CELSR1: variants seen among roughly 807,000 people sequenced by gnomAD.
The protein encoded by CELSR1 is cadherin EGF LAG seven-pass G-type receptor 1.
In CELSR1, 110 loss-of-function variants were observed where a neutral mutation model predicts 249.1. The ratio of observed to expected loss-of-function variants is 0.44; its 90% CI spans 0.38 to 0.52. The LOEUF is 0.52. CELSR1 is among the 20% of genes least tolerant of loss of function. The pLI is 0.00. For synonymous variants in CELSR1, 2,113 were observed against 1,900.0 expected (o/e 1.11, Z -2.92); for missense variants, 4,109 against 4,296.4 (o/e 0.96, Z 1.22).
At chr22:46,453,891 G>T (rs934625097) in intron 2 of CELSR1, among the ~76,000 whole-genome samples, 10 of 152,210 alleles carry the variant, frequency 6.6e-5, no homozygotes, top group Admixed American at 6.5e-4. Context: ...TTTAATTAGG[G>T]AGAGGAGACA....
chr22:46,501,318 G>T (rs2147733855), intron 1 of CELSR1, among the ~76,000 whole-genome samples: 1 of 148,760 alleles, frequency 6.7e-6, no homozygotes, highest in Admixed American at 6.8e-5. Flanking sequence ...CCATTCTCCT[G>T]CCTCAACCTC....
intron 1 of CELSR1, 76 bp downstream of exon 1, chr22:46,533,551 G>C: frequency 6.7e-7 from 1 of 1,495,530 alleles, no homozygotes; most frequent in Non-Finnish European, 8.9e-7. Flanking sequence ...CATGCCAGGC[G>C]GAGCCCTTGG....
rs914873600 is a variant in CELSR1 at position 46,407,309 on chromosome 22, A to C, written c.5226+1687T>G. On this transcript the variant is annotated intron_variant, in intron 9 of 34. Coordinates refer to ENST00000674500, the MANE Select transcript of CELSR1 (RefSeq NM_001378328.1). The surrounding 1 kb of genome is among the most constrained non-coding windows in gnomAD (Gnocchi z 4.8). ...CATACACAGACTGACATGCACACAC[A>C]CTTGCACGGAGATATGCGCACACAC... 6.6e-6 allele frequency among the ~76,000 whole-genome samples: 1 copy of C among 152,154 alleles called. No individual in the cohort carries two copies. The highest frequency in any genetic ancestry group is 2.4e-5 in the African/African-American group (1 of 41,416).
chr22:46,384,455 G>A (rs960622464), intron 20 of CELSR1, 88 bp downstream of exon 20: 27 of 1,423,774 alleles, frequency 1.9e-5, no homozygotes, highest in African/African-American at 1.3e-4. Context: ...TCTTCAGTGC[G>A]CAGGTCCTGC....
At chr22:46,435,927 G>A (rs185463365) in intron 4 of CELSR1, among the ~76,000 whole-genome samples, 6 of 152,098 alleles carry the variant, frequency 3.9e-5, no homozygotes, top group African/African-American at 1.2e-4. Context: ...TCTCGATCTC[G>A]TGACCTTGTG....
At chr22:46,470,760 C>T (rs938292960) in intron 1 of CELSR1, among the ~76,000 whole-genome samples, 3 of 152,078 alleles carry the variant, frequency 2.0e-5, no homozygotes, top group Non-Finnish European at 4.4e-5. Context: ...CGGAATATGA[C>T]GCAGCTAAAC....
At chr22:46,384,084 G>A (rs759698590) in intron 20 of CELSR1, among the ~76,000 whole-genome samples, 2 of 151,960 alleles carry the variant, frequency 1.3e-5, no homozygotes. Context: ...ACAGGCGCCC[G>A]CCACCGCAGC....
chr22:46,524,034 T>C (rs547271374), intron 1 of CELSR1, among the ~76,000 whole-genome samples: 176 of 152,278 alleles, frequency 1.2e-3, no homozygotes, highest in African/African-American at 4.1e-3. Flanking sequence ...TGAGCTTCCG[T>C]CCTCAGAAAC....
intron 18 of CELSR1, among the ~76,000 whole-genome samples, chr22:46,387,502 T>TCCCACGTAGCTGGGATTACAGGGG (rs371039039): frequency 0.011 from 1,693 of 151,974 alleles, 30 homozygotes; most frequent in African/African-American, 0.038. Context: ...TGCCTCAGCC[T>TCCCACGTAGCTGGGATTACAGGGG]CCCACCACCC....
rs1341899663 is a variant in CELSR1 at position 46,374,723 on chromosome 22, C to CT, written c.7585-1667dup. The stretch of plus-strand genomic sequence containing the variant: ...CCCATTCACGCCACTCAAAAGCACA[C>CT]TAGAGGGGTTTTGAGATGAAATCCG... On this transcript the variant is annotated intron_variant, in intron 24 of 34. Transcript: ENST00000674500. The surrounding 1 kb of genome is among the most constrained non-coding windows in gnomAD (Gnocchi z 4.3). Among the ~76,000 whole-genome samples, 7 of 152,344 alleles carry CT rather than the reference C, an allele frequency of 4.6e-5. No individual in the cohort carries two copies. Among genetic ancestry groups the CT allele is most frequent in the African/African-American group, 1.4e-4 (6 of 41,578 alleles).
At position 46,363,325 on chromosome 22, in the gene CELSR1, CGG is replaced by C; in HGVS notation, c.9036-80_9036-79del. On this transcript the variant is annotated intron_variant, in intron 34 of 34. Coordinates refer to ENST00000674500, the MANE Select transcript of CELSR1 (RefSeq NM_001378328.1). The surrounding 1 kb of genome is among the most constrained non-coding windows in gnomAD (Gnocchi z 4.3). ...CTTGGTGGGGCCCAAGGTTGTCACACGGGGGGGCAGGATCACCCCATCAGGGT... is the reference window on the plus strand; with the variant it reads ...CTTGGTGGGGCCCAAGGTTGTCACACGGGGGCAGGATCACCCCATCAGGGT... The C allele has an allele frequency of 8.0e-7, 1 of 1,251,126 alleles. No individual in the cohort carries two copies. Among genetic ancestry groups the C allele is most frequent in the African/African-American group, 1.5e-5 (1 of 67,860 alleles). 77.5% of individuals were successfully genotyped at this position (1,251,126 alleles called of 1,614,324 possible). A position where few individuals can be genotyped will look rare whatever the true frequency, so the allele number is the denominator to read the frequency against.
At chr22:46,379,942 CCTT>C (rs2078959029) in intron 22 of CELSR1, among the ~76,000 whole-genome samples, 2 of 152,212 alleles carry the variant, frequency 1.3e-5, no homozygotes, top group South Asian at 2.1e-4. Flanking sequence ...CGTTCCAGTG[CCTT>C]CTTCTAAACA....
chr22:46,437,210 C>G lies in CELSR1; in HGVS notation c.4407-921G>C, dbSNP rs573390059. The stretch of plus-strand genomic sequence containing the variant: ...CAAATTCTCAGAAATCCTTCTCCCA[C>G]CCAGGGGCCCCGGGCAGGGGGTCTT... On this transcript the variant is annotated intron_variant, in intron 3 of 34. Coordinates refer to ENST00000674500, the MANE Select transcript of CELSR1 (RefSeq NM_001378328.1). This position sits in a 1 kb window ranked among gnomAD's most constrained non-coding sequence, Gnocchi z 4.9. Among the ~76,000 whole-genome samples, 650 of 152,310 alleles carry G rather than the reference C, an allele frequency of 4.3e-3. 3 individuals carry two copies. Among genetic ancestry groups the G allele is most frequent in the Non-Finnish European group, 7.1e-3 (480 of 68,018 alleles).
chr22:46,534,078 A>G lies in CELSR1; in HGVS notation c.3093T>C (p.Asn1031=), dbSNP rs748773281. 1 of 1,613,768 alleles carries G rather than the reference A, an allele frequency of 6.2e-7. No homozygotes were observed. The highest frequency in any genetic ancestry group is 1.1e-5 in the South Asian group (1 of 91,086). Residue 1031 remains asparagine, a synonymous_variant, in exon 1 of 35, where the codon AAT becomes AAC. Coordinates refer to ENST00000674500, the MANE Select transcript of CELSR1 (RefSeq NM_001378328.1). The surrounding 1 kb of genome is among the most constrained non-coding windows in gnomAD (Gnocchi z 9.7). ...IRANDPDEGP[N]AQIMYQIVEG... ...CCACAATCTGATACATGATCTGGGC[A>G]TTAGGGCCTTCATCAGGGTCGTTAG... is the stretch of plus-strand genomic sequence containing the variant.
chr22:46,472,613 G>C lies in CELSR1; in HGVS notation c.3545-8268C>G, dbSNP rs1045017144. 6.6e-6 allele frequency among the ~76,000 whole-genome samples: 1 copy of C among 152,238 alleles called. No individual in the cohort carries two copies. On this transcript the variant is annotated intron_variant, in intron 1 of 34. Transcript: ENST00000674500. This position sits in a 1 kb window ranked among gnomAD's most constrained non-coding sequence, Gnocchi z 7.0. ...AGCAGCAAAACCAGCAAGGCATGGGGACGGGTGGCATCAGCTCCCGGGGCC... is the reference window on the plus strand; with the variant it reads ...AGCAGCAAAACCAGCAAGGCATGGGCACGGGTGGCATCAGCTCCCGGGGCC...
rs9616010 is a variant in CELSR1 at position 46,458,732 on chromosome 22, G to T, written c.4183+4975C>A. On this transcript the variant is annotated intron_variant, in intron 2 of 34. Transcript: ENST00000674500. ...GATCCCCAAGTCGAATCCTGGCCCC[G>T]CCCGCCTGGTGCTGCACCTGGGTGT... Among the ~76,000 whole-genome samples, 29 of 152,244 alleles carry T rather than the reference G, an allele frequency of 1.9e-4. 2 individuals carry two copies. The highest frequency in any genetic ancestry group is 1.4e-3 in the Admixed American group (22 of 15,288).
At position 46,528,000 on chromosome 22, in the gene CELSR1, C is replaced by T. The variant is rs1569220579; in HGVS notation, c.3544+5627G>A. On this transcript the variant is annotated intron_variant, in intron 1 of 34. Coordinates refer to ENST00000674500, the MANE Select transcript of CELSR1 (RefSeq NM_001378328.1). The surrounding 1 kb of genome is among the most constrained non-coding windows in gnomAD (Gnocchi z 5.5). ...ATCCCAGCTACTTGGGAAGCTGAGGCAGCTGAGGCAGGAGAATCACTTGAA... is the reference window on the plus strand; with the variant it reads ...ATCCCAGCTACTTGGGAAGCTGAGGTAGCTGAGGCAGGAGAATCACTTGAA... 6.6e-6 allele frequency among the ~76,000 whole-genome samples: 1 copy of T among 150,934 alleles called. No individual in the cohort carries two copies. Among genetic ancestry groups the T allele is most frequent in the East Asian group, 1.9e-4 (1 of 5,138 alleles).
intron 5 of CELSR1, among the ~76,000 whole-genome samples, chr22:46,418,904 A>G (rs2079433817): frequency 6.6e-6 from 1 of 152,226 alleles, no homozygotes. Flanking sequence ...TGATGGACGT[A>G]TACAGTACAT....
intron 2 of CELSR1, among the ~76,000 whole-genome samples, chr22:46,450,303 C>T (rs2079868798): frequency 6.6e-6 from 1 of 152,240 alleles, no homozygotes; most frequent in Non-Finnish European, 1.5e-5. Context: ...GCTACCAACT[C>T]GGCCCTGCAA....
Sources: allele counts gnomAD v4.1 joint callset (sites outside exome capture counted in the v4.1 genomes callset), GRCh38; gene constraint gnomAD v4.1.1; non-coding constraint Gnocchi (gnomAD v3.1); transcripts MANE v1.5; gene names NCBI Gene and HGNC (gene_info 2026-07-23, HGNC 2026-07-21).